The following ZBTB37 variants were observed in gnomAD, a reference collection of about 807,000 sequenced individuals.
The protein encoded by ZBTB37 is zinc finger and BTB domain-containing protein 37.
ZBTB37 carries 15 observed loss-of-function variants against 37.7 expected under a neutral mutation model. The ratio of observed to expected loss-of-function variants is 0.40; its 90% CI spans 0.27 to 0.61. The LOEUF (loss-of-function observed/expected upper bound fraction) is 0.61. Ranked by LOEUF, ZBTB37 falls within the 20% of genes least tolerant of loss-of-function variation. The pLI is 0.44. For missense variants in ZBTB37, 514 were observed against 641.9 expected (o/e 0.80, Z 2.15); for synonymous variants, 231 against 220.6 (o/e 1.05, Z -0.42).
chr1:173,888,685 C>T (rs1656726722), downstream of ZBTB37: 1 of 152,112 alleles, frequency 6.6e-6, no homozygotes, highest in Admixed American at 6.5e-5. Flanking sequence ...CCACCTTGAC[C>T]TCCCGAAGTG....
At chr1:173,881,289 C>A (rs974106689) in intron 4 of ZBTB37, among the ~76,000 whole-genome samples, 1 of 152,124 alleles carries the variant, frequency 6.6e-6, no homozygotes, top group Admixed American at 6.5e-5. Flanking sequence ...TGAACTCATC[C>A]TTTTTTATGG....
At chr1:173,882,388 C>T (rs1353864362) in intron 4 of ZBTB37, among the ~76,000 whole-genome samples, 2 of 151,554 alleles carry the variant, frequency 1.3e-5, no homozygotes, top group African/African-American at 2.4e-5. Context: ...ACTACAGGCA[C>T]CCGCCACCAC....
intron 4 of ZBTB37, among the ~76,000 whole-genome samples, chr1:173,874,830 T>C (rs377231222): frequency 1.3e-5 from 2 of 152,100 alleles, no homozygotes; most frequent in African/African-American, 4.8e-5. Context: ...AAGCAAGAAA[T>C]AGAACTTTTG....
exon 4 of ZBTB37, chr1:173,901,589 C>CAG (rs1553216618): frequency 2.0e-5 from 3 of 152,174 alleles, no homozygotes; most frequent in African/African-American, 7.3e-5. Context: ...CTTTTAGAGA[C>CAG]AGAGTCTCAC....
intron 3 of ZBTB37, among the ~76,000 whole-genome samples, chr1:173,872,054 T>G (rs1655601524): frequency 6.6e-6 from 1 of 152,120 alleles, no homozygotes. Context: ...CCACTTCAGG[T>G]GGTCTTTTTA....
chr1:173,894,195 A>G (rs901523665), exon 4 of ZBTB37: 1 of 152,236 alleles, frequency 6.6e-6, no homozygotes, highest in East Asian at 1.9e-4. Flanking sequence ...GTGAGGTACT[A>G]TCAAGGCAAA....
exon 4 of ZBTB37, chr1:173,899,239 A>ATAGTTCTC (rs1178682508): frequency 2.6e-5 from 4 of 151,858 alleles, no homozygotes; most frequent in African/African-American, 9.7e-5. Flanking sequence ...CCTATAAGCC[A>ATAGTTCTC]TGCTAATATC....
At chr1:173,890,527 A>T (rs891526876), downstream of ZBTB37, 1 of 152,204 alleles carries the variant, frequency 6.6e-6, no homozygotes, top group Non-Finnish European at 1.5e-5. Context: ...AGTCTTTGGA[A>T]ATTGAGCTCT....
At chr1:173,873,326 C>T (rs1294461724) in intron 3 of ZBTB37, 141 bp from the exon 4 acceptor site, 2 of 777,984 alleles carry the variant, frequency 2.6e-6, no homozygotes, top group African/African-American at 1.8e-5. Flanking sequence ...GTATTAACTC[C>T]ACAAAACTAT....
chr1:173,893,518 T>G (rs977292329), exon 4 of ZBTB37: 1 of 152,226 alleles, frequency 6.6e-6, no homozygotes, highest in African/African-American at 2.4e-5. Flanking sequence ...TTGGTTGGCG[T>G]CTGGGATGTA....
chr1:173,871,091 A>G (rs1655530638), exon 3 of ZBTB37: 1 of 1,613,796 alleles, frequency 6.2e-7, no homozygotes, highest in South Asian at 1.1e-5. Flanking sequence ...CAGGAAAATT[A>G]TACTTTAGGG....
At chr1:173,889,158 C>T (rs1436135794), downstream of ZBTB37, 1 of 152,146 alleles carries the variant, frequency 6.6e-6, no homozygotes, top group Non-Finnish European at 1.5e-5. Context: ...TCAGCTTTTT[C>T]GTTAAAAGAG....
At chr1:173,901,359 C>T (rs1657250661) in exon 4 of ZBTB37, 1 of 150,506 alleles carries the variant, frequency 6.6e-6, no homozygotes. Context: ...ACATCAGGAA[C>T]TAATGGCTTC....
intron 4 of ZBTB37, 74 bp downstream of exon 4, chr1:173,873,640 A>C (rs1378646104): frequency 6.3e-7 from 1 of 1,586,600 alleles, no homozygotes; most frequent in Admixed American, 1.8e-5. Context: ...AAAATAATGA[A>C]AAAGAAAAGA....
exon 4 of ZBTB37, chr1:173,873,529 C>T (rs1421866176): frequency 6.2e-7 from 1 of 1,613,982 alleles, no homozygotes; most frequent in Admixed American, 1.7e-5. Context: ...AGTGAGTCTC[C>T]TGGGAGAATG....
downstream of ZBTB37, chr1:173,888,774 T>TAA (rs1325552171): frequency 6.6e-6 from 1 of 152,192 alleles, no homozygotes; most frequent in Non-Finnish European, 1.5e-5. Flanking sequence ...TTAGATTATA[T>TAA]GTGAGAAAAT....
At position 173,879,796 on chromosome 1, in the gene ZBTB37, A is replaced by G. The variant is rs185582044; in HGVS notation, c.1024-5840A>G. Reference sequence around the variant, plus strand: ...GTGAAACCCCATCTCTACTAAATATAAAACATTAGCCAGGCATGGTGGTGG... The same window carrying G: ...GTGAAACCCCATCTCTACTAAATATGAAACATTAGCCAGGCATGGTGGTGG... On this transcript the variant is annotated intron_variant, in intron 4 of 4. Coordinates refer to ENST00000427304, the Ensembl canonical transcript of ZBTB37. Among the ~76,000 whole-genome samples the G allele has an allele frequency of 1.2e-3, 182 of 152,214 alleles. 1 individual carries two copies. Among genetic ancestry groups the G allele is most frequent in the African/African-American group, 3.6e-3 (150 of 41,524 alleles).
exon 3 of ZBTB37, chr1:173,871,053 T>G (rs1471660219): frequency 6.2e-7 from 1 of 1,614,086 alleles, no homozygotes; most frequent in Non-Finnish European, 8.5e-7. Context: ...CCATGGTGAT[T>G]GATACCACAG....
chr1:173,875,234 CTATA>C (rs1306357005), intron 4 of ZBTB37, among the ~76,000 whole-genome samples: 1 of 146,954 alleles, frequency 6.8e-6, no homozygotes, highest in Non-Finnish European at 1.5e-5. Flanking sequence ...ACTATATATA[CTATA>C]TATACTATGC....
Sources: allele counts gnomAD v4.1 joint callset (sites outside exome capture counted in the v4.1 genomes callset), GRCh38; gene constraint gnomAD v4.1.1; transcripts MANE v1.5; gene names NCBI Gene and HGNC (gene_info 2026-07-23, HGNC 2026-07-21).